The following NCKAP1L variants were observed in gnomAD, a reference collection of about 807,000 sequenced individuals.
NCKAP1L encodes the protein NCK associated protein 1 like, also known as nck-associated protein 1-like.
NCKAP1L carries 53 observed loss-of-function variants against 139.2 expected under a neutral mutation model. The observed-to-expected ratio is 0.38, with a 90% confidence interval of 0.31 to 0.48. The LOEUF (loss-of-function observed/expected upper bound fraction) is 0.48, where lower values mean the gene tolerates loss of function less well. NCKAP1L is among the 20% of genes least tolerant of loss of function. The pLI is 0.98. For missense variants in NCKAP1L, 1,151 were observed against 1,381.9 expected, an observed-to-expected ratio of 0.83 and a Z score of 2.65; for synonymous variants, 468 against 499.7, an observed-to-expected ratio of 0.94 and a Z score of 0.85.
chr12:54,540,619 T>C (rs2120981675), intron 30 of NCKAP1L, among the ~76,000 whole-genome samples: 1 of 152,334 alleles, frequency 6.6e-6, no homozygotes, highest in Middle Eastern at 3.4e-3. Flanking sequence ...GCCTAGTACA[T>C]AGTAGATGCT....
chr12:54,535,182 G>A lies in NCKAP1L; in HGVS notation c.2941G>A (p.Ala981Thr). ...DIDPALVAAI[A>T]NLKADTSSPE... ...TGACCCAGCCTTGGTGGCTGCCATTGCTAATCTGAAAGCTGGTAAGATTGG... is the reference window on the plus strand; with the variant it reads ...TGACCCAGCCTTGGTGGCTGCCATTACTAATCTGAAAGCTGGTAAGATTGG... Residue 981 changes from alanine to threonine, a missense_variant, in exon 27 of 31, where the codon GCT (alanine) becomes ACT (threonine). Physicochemically the swap from Ala to Thr is moderately conservative, Grantham distance 58. Transcript: ENST00000293373. 6.2e-7 allele frequency: 1 copy of A among 1,613,616 alleles called. No homozygotes were observed. Among genetic ancestry groups the A allele is most frequent in the Non-Finnish European group, 8.5e-7 (1 of 1,179,686 alleles).
At chr12:54,498,877 AT>A in intron 1 of NCKAP1L, 2 of 859,872 alleles carry the variant, frequency 2.3e-6, no homozygotes, top group Non-Finnish European at 2.8e-6. Context: ...ATGTCTTGGA[AT>A]TTTTTCTTGA....
rs1957003376 is a variant in NCKAP1L at position 54,523,529 on chromosome 12, A to G, written c.2014A>G (p.Ile672Val). ...TGAGAGTCACCGGAAGAACCGCAGC[A>G]TTGTCACCAAGTGAGGACCTGGGCC... Reference protein sequence around the residue: ...GAESHRKNRSIVTNMDKLHLN... With the variant: ...GAESHRKNRSVVTNMDKLHLN... Residue 672 changes from isoleucine (I) to valine (V), a missense_variant, in exon 19 of 31, where the codon ATT becomes GTT. Physicochemically the swap from Ile to Val is conservative, Grantham distance 29 (BLOSUM62 3). Transcript: ENST00000293373. 4 of 1,613,298 alleles carry G rather than the reference A, an allele frequency of 2.5e-6. No individual in the cohort carries two copies.
At chr12:54,503,623 A>G (rs1013153810) in intron 3 of NCKAP1L, among the ~76,000 whole-genome samples, 3 of 151,306 alleles carry the variant, frequency 2.0e-5, no homozygotes, top group African/African-American at 7.3e-5. Flanking sequence ...ATATACACAC[A>G]CATATATATT....
At chr12:54,530,700 C>T (rs567410505) in intron 22 of NCKAP1L, among the ~76,000 whole-genome samples, 1 of 152,308 alleles carries the variant, frequency 6.6e-6, no homozygotes, top group East Asian at 1.9e-4. Flanking sequence ...AAGCACTTAA[C>T]CCCCTTGCCT....
intron 23 of NCKAP1L, 57 bp from the exon 24 acceptor site, chr12:54,531,434 G>T: frequency 6.2e-7 from 1 of 1,607,262 alleles, no homozygotes; most frequent in South Asian, 1.1e-5. Context: ...TGGGGGGGAA[G>T]ATGTAACATT....
Position 54,546,944 on chromosome 12 carries a change from C to T in NCKAP1L, c.*4259C>T, listed in dbSNP as rs1350058142. ...GGAGGCAGATCACATCCATCCGTCA[C>T]CTACTGCCAAAGCATCATTTTTGGT... On this transcript the variant is annotated 3_prime_UTR_variant, in exon 31 of 31. Transcript: ENST00000293373. 6.6e-6 allele frequency: 1 copy of T among 152,190 alleles called. No individual in the cohort carries two copies. Among genetic ancestry groups the T allele is most frequent in the Non-Finnish European group, 1.5e-5 (1 of 68,028 alleles). 9.4% of individuals were successfully genotyped at this position (152,190 alleles called of 1,614,324 possible).
rs1448505644 is a variant in NCKAP1L, at chr12:54,548,064, C to T, written c.*5379C>T. ...TTGGCAATTCTTTTATGTTAGGAGT[C>T]TTAGCTGTGACAGTTCATCCGCTTC... On this transcript the variant is annotated 3_prime_UTR_variant, in exon 31 of 31. Transcript: ENST00000293373. 23 of 152,248 alleles carry T rather than the reference C, an allele frequency of 1.5e-4. No individual in the cohort carries two copies. Among genetic ancestry groups the T allele is most frequent in the Non-Finnish European group, 4.4e-5 (3 of 68,054 alleles). 9.4% of individuals were successfully genotyped at this position (152,248 alleles called of 1,614,324 possible).
chr12:54,521,323 T>C (rs1956982240), intron 18 of NCKAP1L, 85 bp downstream of exon 18: 8 of 1,560,816 alleles, frequency 5.1e-6, no homozygotes, highest in Non-Finnish European at 6.1e-6. Context: ...CCCTCTCAGA[T>C]GCCAAGCTCA....
At chr12:54,512,426 C>A in intron 9 of NCKAP1L, 1 of 236,978 alleles carries the variant, frequency 4.2e-6, no homozygotes. Flanking sequence ...ATTTCCTCAT[C>A]TATAAAATGT....
chr12:54,521,002 T>C, intron 17 of NCKAP1L, 117 bp from the exon 18 acceptor site: 2 of 1,538,722 alleles, frequency 1.3e-6, no homozygotes, highest in Non-Finnish European at 1.8e-6. Context: ...TTTCTTCTTC[T>C]GTAGGAATGG....
chr12:54,508,506 G>A lies in NCKAP1L; in HGVS notation c.481G>A (p.Ala161Thr). 1 of 1,614,158 alleles carries A rather than the reference G, an allele frequency of 6.2e-7. No homozygotes were observed. Among genetic ancestry groups the A allele is most frequent in the Non-Finnish European group, 8.5e-7 (1 of 1,180,010 alleles). The change falls in exon 5 of 31, where the codon GCC becomes ACC. Residue 161 changes from alanine to threonine, a missense_variant. Transcript: ENST00000293373. ...GATACTCATTGGCATGTACAATTGTGCCCATGAGATGCTGCATGGGCATGG... is the reference window on the plus strand; with the variant it reads ...GATACTCATTGGCATGTACAATTGTACCCATGAGATGCTGCATGGGCATGG... Reference protein sequence around the residue: ...RRILIGMYNCAHEMLHGHGDP... With the variant: ...RRILIGMYNCTHEMLHGHGDP...
chr12:54,515,385 C>CT (rs1289692504), intron 9 of NCKAP1L, among the ~76,000 whole-genome samples: 1 of 152,070 alleles, frequency 6.6e-6, no homozygotes, highest in Non-Finnish European at 1.5e-5. Context: ...AGCAAAGAGT[C>CT]TAAGATAATG....
At position 54,509,713 on chromosome 12, in the gene NCKAP1L, A is replaced by T. The variant is rs958744621; in HGVS notation, c.551A>T (p.Asp184Val). The T allele has an allele frequency of 6.2e-7, 1 of 1,614,066 alleles. No homozygotes were observed. Among genetic ancestry groups the T allele is most frequent in the African/African-American group, 1.3e-5 (1 of 74,922 alleles). The change falls in exon 6 of 31, where the codon GAC becomes GTC. Residue 184 changes from aspartate to valine, a missense_variant. Coordinates refer to ENST00000293373, the MANE Select transcript of NCKAP1L (RefSeq NM_005337.5). ...ARLGQMVLEYDHPLKKLTEEF... is the reference protein window; with the variant it reads ...ARLGQMVLEYVHPLKKLTEEF... Reference sequence around the variant, plus strand: ...CTGGGTCAGATGGTCTTGGAGTATGACCACCCTCTGAAGAAGCTGACAGAA... The same window carrying T: ...CTGGGTCAGATGGTCTTGGAGTATGTCCACCCTCTGAAGAAGCTGACAGAA...
chr12:54,517,277 T>C (rs1956941112), intron 11 of NCKAP1L, among the ~76,000 whole-genome samples: 2 of 152,208 alleles, frequency 1.3e-5, no homozygotes, highest in Non-Finnish European at 2.9e-5. Context: ...TCAAACCACA[T>C]AAATGCCCAG....
At chr12:54,529,980 G>A (rs1365339477) in intron 22 of NCKAP1L, among the ~76,000 whole-genome samples, 1 of 152,192 alleles carries the variant, frequency 6.6e-6, no homozygotes, top group Non-Finnish European at 1.5e-5. Flanking sequence ...CATTATCCAA[G>A]TTGATCGGTC....
At chr12:54,541,609 G>A (rs1192797011) in intron 30 of NCKAP1L, among the ~76,000 whole-genome samples, 1 of 152,192 alleles carries the variant, frequency 6.6e-6, no homozygotes, top group Non-Finnish European at 1.5e-5. Flanking sequence ...TGTTGTGTGT[G>A]CATGTGTTTG....
At chr12:54,528,111 C>G in intron 21 of NCKAP1L, 136 bp from the exon 22 acceptor site, 2 of 1,024,236 alleles carry the variant, frequency 2.0e-6, no homozygotes, top group South Asian at 1.6e-5. Flanking sequence ...AACATTGTGC[C>G]ATCTTCTTTG....
At chr12:54,540,092 G>T (rs1000614612) in intron 30 of NCKAP1L, among the ~76,000 whole-genome samples, 3 of 152,118 alleles carry the variant, frequency 2.0e-5, no homozygotes, top group Non-Finnish European at 4.4e-5. Context: ...TTCAAACCTG[G>T]GCTTCCATAA....
Sources: allele counts gnomAD v4.1 joint callset (sites outside exome capture counted in the v4.1 genomes callset), GRCh38; gene constraint gnomAD v4.1.1; transcripts MANE v1.5; gene names NCBI Gene and HGNC (gene_info 2026-07-23, HGNC 2026-07-21).